The following SREBF2 variants were observed in gnomAD, a reference collection of about 807,000 sequenced individuals.
SREBF2 encodes the protein sterol regulatory element binding transcription factor 2.
SREBF2 carries 55 observed loss-of-function variants against 113.1 expected under a neutral mutation model. The observed-to-expected ratio is 0.49, with a 90% confidence interval of 0.39 to 0.61. The LOEUF is 0.61. Ranked by LOEUF, SREBF2 falls within the 20% of genes least tolerant of loss-of-function variation. The pLI is 0.00. For synonymous variants in SREBF2, 593 were observed against 605.7 expected (o/e 0.98, Z 0.31); for missense variants, 1,349 against 1,487.4 (o/e 0.91, Z 1.53).
At chr22:41,871,071 C>T (rs370676370) in intron 4 of SREBF2, 36 bp downstream of exon 4, 5 of 1,613,000 alleles carry the variant, frequency 3.1e-6, no homozygotes, top group Non-Finnish European at 4.2e-6. Context: ...TCCTCCCTCC[C>T]CCTTTATTCC....
In SREBF2 at chr22:41,905,949, C is replaced by T. The variant is rs1197677755; in HGVS notation, c.*289C>T. 1 of 629,768 alleles carries T rather than the reference C, an allele frequency of 1.6e-6. No individual in the cohort carries two copies. Among genetic ancestry groups the T allele is most frequent in the Non-Finnish European group, 3.0e-6 (1 of 338,684 alleles). 39.0% of individuals were successfully genotyped at this position (629,768 alleles called of 1,614,324 possible). ...GAGCTCCCAAGCTGCCAAGCCCCTGCCTCCAGCCTTCCTGAGTTTCTCTCT... is the reference window on the plus strand; with the variant it reads ...GAGCTCCCAAGCTGCCAAGCCCCTGTCTCCAGCCTTCCTGAGTTTCTCTCT... On this transcript the variant is annotated 3_prime_UTR_variant, in exon 19 of 19. Coordinates refer to ENST00000361204, the MANE Select transcript of SREBF2 (RefSeq NM_004599.4).
At chr22:41,902,267 C>T (rs1272791502) in intron 16 of SREBF2, among the ~76,000 whole-genome samples, 3 of 152,216 alleles carry the variant, frequency 2.0e-5, no homozygotes, top group Admixed American at 6.5e-5. Context: ...GGGTGGGCAG[C>T]CCAGCCCCAT....
In SREBF2 at chr22:41,833,405, G is replaced by A. The variant is rs930668268; in HGVS notation, c.88+47G>A. ...GTGCGGGGGCCGCGCGGGGAGGAAG[G>A]GGTTACGGCGGCGCGCCCGGGTGCG... On this transcript the variant is annotated intron_variant, in intron 1 of 18. Coordinates refer to ENST00000361204, the MANE Select transcript of SREBF2 (RefSeq NM_004599.4). This position sits in a 1 kb window ranked among gnomAD's most constrained non-coding sequence, Gnocchi z 4.1. The A allele has an allele frequency of 1.0e-5, 15 of 1,491,904 alleles. No individual in the cohort carries two copies. The highest frequency in any genetic ancestry group is 1.2e-5 in the Non-Finnish European group (13 of 1,109,678). The allele number at this position is 1,491,904 out of a possible 1,614,324, so 92.4% of individuals were successfully genotyped here.
intron 1 of SREBF2, among the ~76,000 whole-genome samples, chr22:41,849,945 T>G (rs59507366): frequency 3.3e-5 from 5 of 151,092 alleles, no homozygotes; most frequent in Admixed American, 3.3e-4. Flanking sequence ...GAGACCATCC[T>G]GACTAACATG....
intron 1 of SREBF2, among the ~76,000 whole-genome samples, chr22:41,845,253 T>TC (rs1569371327): frequency 6.6e-6 from 1 of 152,142 alleles, no homozygotes. Flanking sequence ...ATGCCCATTT[T>TC]CCATGGACAT....
chr22:41,866,220 G>A (rs1051597202), intron 1 of SREBF2, among the ~76,000 whole-genome samples: 1 of 152,166 alleles, frequency 6.6e-6, no homozygotes, highest in African/African-American at 2.4e-5. Flanking sequence ...CACCCATCTA[G>A]TACAAAGGTA....
intron 16 of SREBF2, among the ~76,000 whole-genome samples, chr22:41,902,145 G>A (rs1193221272): frequency 6.6e-6 from 1 of 152,226 alleles, no homozygotes; most frequent in Non-Finnish European, 1.5e-5. Flanking sequence ...CCAGGGCTGG[G>A]TGAGATGAGG....
intron 15 of SREBF2, 96 bp from the exon 16 acceptor site, chr22:41,900,234 C>T (rs2077453519): frequency 1.3e-6 from 2 of 1,561,856 alleles, no homozygotes; most frequent in Admixed American, 1.8e-5. Flanking sequence ...CATGTCATAT[C>T]AGTGTGGGGC....
intron 1 of SREBF2, among the ~76,000 whole-genome samples, chr22:41,847,396 A>G (rs2076886422): frequency 6.6e-6 from 1 of 152,126 alleles, no homozygotes; most frequent in African/African-American, 2.4e-5. Flanking sequence ...GCTAAAAGAG[A>G]GTGAAAGAGG....
chr22:41,873,549 T>C (rs2077165642), intron 4 of SREBF2: 1 of 534,172 alleles, frequency 1.9e-6, no homozygotes. Flanking sequence ...ACTTAAAACA[T>C]ATTTAGCCAT....
chr22:41,902,701 C>G (rs1450499559), intron 16 of SREBF2, among the ~76,000 whole-genome samples: 2 of 152,226 alleles, frequency 1.3e-5, no homozygotes, highest in African/African-American at 2.4e-5. Context: ...GCTGTATTCC[C>G]TATACAAGCT....
intron 1 of SREBF2, among the ~76,000 whole-genome samples, chr22:41,863,090 C>A (rs895968247): frequency 6.6e-6 from 1 of 152,004 alleles, no homozygotes; most frequent in Non-Finnish European, 1.5e-5. Context: ...TCTGGAAGTA[C>A]CGCCAACATT....
chr22:41,878,189 C>T (rs2077215193), intron 9 of SREBF2, 66 bp downstream of exon 9: 2 of 1,594,566 alleles, frequency 1.3e-6, no homozygotes, highest in Non-Finnish European at 1.7e-6. Context: ...CAACTCGTGT[C>T]AAAGAAAGTC....
Position 41,875,410 on chromosome 22 carries a change from G to A in SREBF2, c.1163G>A (p.Arg388His), listed in dbSNP as rs373223460. ...TTGCAGCAGGTCAATCATAAACTGCGCCAGGAGAACATGGTGCTGAAGCTG... is the reference window on the plus strand; with the variant it reads ...TTGCAGCAGGTCAATCATAAACTGCACCAGGAGAACATGGTGCTGAAGCTG... ...KYLQQVNHKLRQENMVLKLAN... is the reference protein window; with the variant it reads ...KYLQQVNHKLHQENMVLKLAN... The change falls in exon 6 of 19, where the codon CGC (arginine) becomes CAC (histidine). Residue 388 changes from arginine to histidine, a missense_variant. By Grantham distance (29) the Arg-to-His change is conservative. Around this residue, in one of 2 missense-constraint regions of SREBF2, gnomAD observed 699 missense variants for 843.3 expected, o/e 0.83. Transcript: ENST00000361204. The A allele has an allele frequency of 4.3e-6, 7 of 1,614,210 alleles. No homozygotes were observed. In the East Asian group the frequency reaches 6.7e-5, roughly 15 times the overall value.
intron 1 of SREBF2, among the ~76,000 whole-genome samples, chr22:41,859,648 A>G (rs1474301232): frequency 1.3e-5 from 2 of 151,966 alleles, no homozygotes; most frequent in Non-Finnish European, 2.9e-5. Context: ...AGCTAATACT[A>G]AGTGCCAGGC....
chr22:41,870,873 T>A lies in SREBF2; in HGVS notation c.721-16T>A, dbSNP rs1408843316. ...TAATGCTATCATCCTTTTACTTTTC[T>A]TCCTTCTTCATCCAGGTCCTGGTCC... On this transcript the variant is annotated splice_polypyrimidine_tract_variant and intron_variant, in intron 3 of 18. Transcript: ENST00000361204. The A allele has an allele frequency of 6.2e-7, 1 of 1,614,202 alleles. No homozygotes were observed.
intron 1 of SREBF2, among the ~76,000 whole-genome samples, chr22:41,837,604 A>G (rs1293328254): frequency 6.7e-6 from 1 of 150,080 alleles, no homozygotes. Flanking sequence ...CACACCTATA[A>G]TCCCAGCACT....
At chr22:41,887,680 C>T (rs1398385985) in intron 11 of SREBF2, among the ~76,000 whole-genome samples, 2 of 152,140 alleles carry the variant, frequency 1.3e-5, no homozygotes, top group African/African-American at 2.4e-5. Flanking sequence ...TGTGAACCTC[C>T]TTGTACACAC....
At chr22:41,881,614 G>A (rs2077246561) in intron 10 of SREBF2, among the ~76,000 whole-genome samples, 1 of 152,228 alleles carries the variant, frequency 6.6e-6, no homozygotes, top group Non-Finnish European at 1.5e-5. Flanking sequence ...TGGCTCTTGA[G>A]AATAAGCCTT....
Sources: allele counts gnomAD v4.1 joint callset (sites outside exome capture counted in the v4.1 genomes callset), GRCh38; gene constraint gnomAD v4.1.1; regional missense constraint gnomAD v4.1.1; non-coding constraint Gnocchi (gnomAD v3.1); transcripts MANE v1.5; gene names NCBI Gene and HGNC (gene_info 2026-07-23, HGNC 2026-07-21).